The following WWP1 variants were observed in gnomAD, a reference collection of about 807,000 sequenced individuals.
WWP1 encodes NEDD4-like E3 ubiquitin-protein ligase WWP1.
In WWP1, 49 loss-of-function variants were observed where a neutral mutation model predicts 130.6. The observed-to-expected ratio is 0.38, with a 90% confidence interval of 0.30 to 0.48. The LOEUF (loss-of-function observed/expected upper bound fraction) is 0.48, where lower values mean the gene tolerates loss of function less well. Ranked by LOEUF, WWP1 falls within the 20% of genes least tolerant of loss-of-function variation. WWP1 has a pLI of 0.99. For missense variants in WWP1, 809 were observed against 1,100.6 expected (o/e 0.74, Z 3.75); for synonymous variants, 332 against 367.8 (o/e 0.90, Z 1.11).
At chr8:86,407,665 T>C (rs955964398) in intron 8 of WWP1, among the ~76,000 whole-genome samples, 2 of 152,202 alleles carry the variant, frequency 1.3e-5, no homozygotes, top group Non-Finnish European at 2.9e-5. Context: ...CTGAGCAGTA[T>C]TGAAGAACCA....
chr8:86,382,966 G>C (rs1012199535), intron 5 of WWP1, among the ~76,000 whole-genome samples: 1 of 152,102 alleles, frequency 6.6e-6, no homozygotes, highest in African/African-American at 2.4e-5. Flanking sequence ...CTTTAAAAAG[G>C]TTCTTTCTGC....
At chr8:86,382,399 A>G (rs946863598) in intron 5 of WWP1, among the ~76,000 whole-genome samples, 1 of 152,192 alleles carries the variant, frequency 6.6e-6, no homozygotes, top group African/African-American at 2.4e-5. Context: ...TCCTCTGAAT[A>G]TTAAAAACCA....
At chr8:86,414,557 C>T (rs1467669180) in intron 9 of WWP1, among the ~76,000 whole-genome samples, 3 of 152,160 alleles carry the variant, frequency 2.0e-5, no homozygotes, top group African/African-American at 4.8e-5. Flanking sequence ...TCCACATCAT[C>T]TTCCCTCTTT....
intron 3 of WWP1, among the ~76,000 whole-genome samples, chr8:86,374,367 A>G (rs1824505118): frequency 2.0e-5 from 3 of 152,216 alleles, no homozygotes; most frequent in African/African-American, 4.8e-5. Flanking sequence ...GGGCTTTTGA[A>G]TAAGTATCAT....
In WWP1 at chr8:86,425,098, C is replaced by CTG. The variant is rs138992023; in HGVS notation, c.1062-115_1062-114dup. On this transcript the variant is annotated intron_variant, in intron 9 of 24. Coordinates refer to ENST00000517970, the MANE Select transcript of WWP1 (RefSeq NM_007013.4). ...TATATAATAGCCTTTATATATATAG[C>CTG]TGTGTGTGTGTATAGTCTTTTAATG... is the stretch of plus-strand genomic sequence containing the variant. 3,749 of 603,296 alleles carry CTG rather than the reference C, an allele frequency of 6.2e-3. 63 individuals carry two copies. Among genetic ancestry groups the CTG allele is most frequent in the East Asian group, 0.05 (1,744 of 35,070 alleles). 37.4% of individuals were successfully genotyped at this position (603,296 alleles called of 1,614,324 possible).
At chr8:86,465,458 A>T (rs1264544144) in intron 24 of WWP1, among the ~76,000 whole-genome samples, 1 of 152,096 alleles carries the variant, frequency 6.6e-6, no homozygotes, top group African/African-American at 2.4e-5. Flanking sequence ...CTTCGTCTCT[A>T]CAAAAAAAAA....
intron 1 of WWP1, among the ~76,000 whole-genome samples, chr8:86,351,203 T>TTGCTC (rs1822897329): frequency 6.6e-6 from 1 of 152,220 alleles, no homozygotes; most frequent in South Asian, 2.1e-4. Flanking sequence ...CCTTAAATCA[T>TTGCTC]GTTTATTGCT....
chr8:86,411,204 A>G (rs900780672), intron 8 of WWP1, among the ~76,000 whole-genome samples: 18 of 152,188 alleles, frequency 1.2e-4, no homozygotes, highest in Admixed American at 3.9e-4. Flanking sequence ...CAGAGTTTAG[A>G]TGGCCCATAC....
At chr8:86,357,337 T>A (rs1327844101) in intron 1 of WWP1, among the ~76,000 whole-genome samples, 1 of 152,216 alleles carries the variant, frequency 6.6e-6, no homozygotes, top group African/African-American at 2.4e-5. Context: ...GTCTTTACAC[T>A]TTTTTCTTTT....
At chr8:86,420,378 A>C (rs1241612826) in intron 9 of WWP1, among the ~76,000 whole-genome samples, 1 of 152,198 alleles carries the variant, frequency 6.6e-6, no homozygotes, top group Non-Finnish European at 1.5e-5. Flanking sequence ...TCTAGCTAAT[A>C]GTATTTTTTA....
intron 9 of WWP1, among the ~76,000 whole-genome samples, chr8:86,419,570 A>C (rs917360814): frequency 1.3e-5 from 2 of 152,256 alleles, no homozygotes; most frequent in Non-Finnish European, 2.9e-5. Context: ...TTTGACTGAT[A>C]AAGGTAAAGA....
intron 1 of WWP1, among the ~76,000 whole-genome samples, chr8:86,361,101 A>G (rs1823566871): frequency 6.6e-6 from 1 of 152,230 alleles, no homozygotes; most frequent in Non-Finnish European, 1.5e-5. Flanking sequence ...AGTTACCTTC[A>G]TGTATCCTGC....
chr8:86,352,259 C>T (rs1210160107), intron 1 of WWP1, among the ~76,000 whole-genome samples: 1 of 151,866 alleles, frequency 6.6e-6, no homozygotes, highest in Non-Finnish European at 1.5e-5. Context: ...CAGAGTCTTA[C>T]TGTCACCCAG....
chr8:86,380,643 A>T (rs1374953274), intron 3 of WWP1, 83 bp from the exon 4 acceptor site: 2 of 1,397,756 alleles, frequency 1.4e-6, no homozygotes, highest in Non-Finnish European at 1.9e-6. Flanking sequence ...CACAAGAAGC[A>T]CAATTCCATT....
intron 1 of WWP1, among the ~76,000 whole-genome samples, chr8:86,361,502 G>C (rs1361818579): frequency 1.3e-5 from 2 of 152,012 alleles, no homozygotes; most frequent in African/African-American, 4.8e-5. Context: ...GTTCTGTATG[G>C]CTTTCCTGGT....
intron 5 of WWP1, among the ~76,000 whole-genome samples, chr8:86,387,664 T>C (rs1261045437): frequency 1.3e-5 from 2 of 151,992 alleles, no homozygotes; most frequent in Non-Finnish European, 2.9e-5. Flanking sequence ...AGACGTGTGC[T>C]ACCATGCACC....
intron 1 of WWP1, among the ~76,000 whole-genome samples, chr8:86,355,067 G>A (rs549560918): frequency 1.3e-5 from 2 of 152,238 alleles, no homozygotes; most frequent in South Asian, 2.1e-4. Flanking sequence ...AGGTCTGTCC[G>A]ACTTGAAAAC....
Position 86,364,704 on chromosome 8 carries a change from T to C in WWP1, c.-114-4235T>C, listed in dbSNP as rs550177953. Among the ~76,000 whole-genome samples the C allele has an allele frequency of 1.7e-3, 260 of 151,144 alleles. 2 individuals are homozygous for C. Among genetic ancestry groups the C allele is most frequent in the African/African-American group, 6.0e-3 (246 of 41,084 alleles). ...GCCTGTAGTGTCAACTACTTGAGAG[T>C]CTCAGGCAGGAGGATAGCAGGAGTC... On this transcript the variant is annotated intron_variant, in intron 1 of 24. Coordinates refer to ENST00000517970, the MANE Select transcript of WWP1 (RefSeq NM_007013.4).
intron 8 of WWP1, among the ~76,000 whole-genome samples, chr8:86,408,966 C>G (rs1330316201): frequency 1.3e-5 from 2 of 151,708 alleles, no homozygotes; most frequent in African/African-American, 4.8e-5. Context: ...TGTTGTTGAT[C>G]TTGTGTCTGT....
Sources: allele counts gnomAD v4.1 joint callset (sites outside exome capture counted in the v4.1 genomes callset), GRCh38; gene constraint gnomAD v4.1.1; transcripts MANE v1.5; gene names NCBI Gene and HGNC (gene_info 2026-07-23, HGNC 2026-07-21).